Variants in ATAD5 observed in about 807,000 individuals in gnomAD.
The protein encoded by ATAD5 is ATPase family AAA domain containing 5, also known as ATPase family AAA domain-containing protein 5.
Under a neutral mutation model 176.9 loss-of-function variants are expected in ATAD5, and 58 were observed. That is an observed-to-expected ratio of 0.33 (90% confidence interval 0.27 to 0.41). The LOEUF (loss-of-function observed/expected upper bound fraction) is 0.41, where lower values mean the gene tolerates loss of function less well. Among genes scored for constraint, ATAD5 ranks in the 10% least tolerant of loss-of-function variants. ATAD5 has a pLI of 1.00. For synonymous variants in ATAD5, 640 were observed against 712.6 expected (o/e 0.90, Z 1.62); for missense variants, 1,789 against 2,094.1 (o/e 0.85, Z 2.84).
rs969260725 is a variant in ATAD5 at position 30,883,632 on chromosome 17, C to T, written c.4078-3560C>T. On this transcript the variant is annotated intron_variant, in intron 18 of 22. Coordinates refer to ENST00000321990, the MANE Select transcript of ATAD5 (RefSeq NM_024857.5). ...GCAATCACTGGCTCACTGCAAGCTC[C>T]ACCTCCCAGGTTCATGCTATTCTCC... is the stretch of plus-strand genomic sequence containing the variant. 2.6e-5 allele frequency among the ~76,000 whole-genome samples: 4 copies of T among 151,670 alleles called. No individual in the cohort carries two copies. The South Asian group carries it at 8.3e-4, about 32-fold the overall frequency.
Position 30,834,402 on chromosome 17 carries a change from T to C in ATAD5, c.321T>C (p.Asn107=). The change falls in exon 2 of 23, where the codon AAT becomes AAC. Residue 107 remains asparagine (N), a synonymous_variant. Transcript: ENST00000321990. ...DCTTPLEMFS[N]VEFKKKRKRV... ...CGACACCTTTGGAAATGTTCTCAAATGTAGAGTTTAAGAAGAAAAGAAAGA... is the reference window on the plus strand; with the variant it reads ...CGACACCTTTGGAAATGTTCTCAAACGTAGAGTTTAAGAAGAAAAGAAAGA... The C allele has an allele frequency of 6.2e-7, 1 of 1,602,250 alleles. No individual in the cohort carries two copies. The highest frequency in any genetic ancestry group is 8.5e-7 in the Non-Finnish European group (1 of 1,175,640).
At chr17:30,866,891 T>C (rs1251451789) in intron 11 of ATAD5, among the ~76,000 whole-genome samples, 1 of 152,178 alleles carries the variant, frequency 6.6e-6, no homozygotes, top group Non-Finnish European at 1.5e-5. Flanking sequence ...AGGGGTATTA[T>C]GTAATATGCA....
intron 20 of ATAD5, among the ~76,000 whole-genome samples, 196 bp from the exon 21 acceptor site, chr17:30,893,098 C>T (rs1418369988): frequency 6.6e-6 from 1 of 151,978 alleles, no homozygotes; most frequent in African/African-American, 2.4e-5. Context: ...GAATTTAATT[C>T]TCCAAATTAA....
intron 11 of ATAD5, among the ~76,000 whole-genome samples, chr17:30,868,113 C>T (rs1908106866): frequency 1.3e-5 from 2 of 152,164 alleles, no homozygotes; most frequent in Non-Finnish European, 2.9e-5. Flanking sequence ...AACTATTTTA[C>T]TCTTTAGTTG....
chr17:30,895,044 T>TA lies in ATAD5; in HGVS notation c.*132dup, dbSNP rs1909836854. ...TAAACAAACAATTTGTATATTTTTT[T>TA]ATTGGCGGGTAAATATTTAAAATAT... On this transcript the variant is annotated 3_prime_UTR_variant, in exon 23 of 23. Coordinates refer to ENST00000321990, the MANE Select transcript of ATAD5 (RefSeq NM_024857.5). 1.8e-6 allele frequency: 1 copy of TA among 558,220 alleles called. No homozygotes were observed. Among genetic ancestry groups the TA allele is most frequent in the South Asian group, 6.2e-5 (1 of 16,098 alleles). The allele number at this position is 558,220 out of a possible 1,614,324, so 34.6% of individuals were successfully genotyped here. A position where few individuals can be genotyped will look rare whatever the true frequency, so the allele number is the denominator to read the frequency against.
At chr17:30,872,298 A>G (rs1171130133) in intron 14 of ATAD5, among the ~76,000 whole-genome samples, 5 of 152,130 alleles carry the variant, frequency 3.3e-5, no homozygotes, top group African/African-American at 4.8e-5. Flanking sequence ...TCCTTAGGCA[A>G]AACCTTTCTG....
At chr17:30,844,769 A>T in intron 5 of ATAD5, 66 bp from the exon 6 acceptor site, 3 of 1,036,312 alleles carry the variant, frequency 2.9e-6, no homozygotes, top group Non-Finnish European at 4.2e-6. Context: ...AAAAAAAAAA[A>T]AAAGAAAGTA....
At chr17:30,876,702 C>CTTTTTTTTTTTTTT (rs202065630) in intron 15 of ATAD5, 152 bp downstream of exon 15, 3 of 125,968 alleles carry the variant, frequency 2.4e-5, no homozygotes, top group African/African-American at 4.6e-5. Flanking sequence ...ATTTTGTTTC[C>CTTTTTTTTTTTTTT]TTTTTTTTTT....
chr17:30,889,170 T>C (rs111764350), intron 19 of ATAD5, among the ~76,000 whole-genome samples: 10 of 147,816 alleles, frequency 6.8e-5, no homozygotes, highest in African/African-American at 2.2e-4. Context: ...TTCTTTCTTT[T>C]TTTTTTTTTT....
At chr17:30,839,936 C>T (rs1368092357) in intron 3 of ATAD5, among the ~76,000 whole-genome samples, 3 of 151,904 alleles carry the variant, frequency 2.0e-5, no homozygotes, top group Non-Finnish European at 4.4e-5. Context: ...TGGTGGCTCA[C>T]GCCTGTAATC....
intron 6 of ATAD5, among the ~76,000 whole-genome samples, chr17:30,848,054 A>G (rs950562419): frequency 1.3e-5 from 2 of 152,084 alleles, no homozygotes; most frequent in African/African-American, 4.8e-5. Flanking sequence ...ACATGTATGG[A>G]CAAGTGTTCT....
rs190625904 is a variant in ATAD5 at position 30,863,662 on chromosome 17, G to A, written c.3137-2042G>A. Among the ~76,000 whole-genome samples, 724 of 121,136 alleles carry A rather than the reference G, an allele frequency of 6.0e-3. 4 individuals are homozygous for A. The highest frequency in any genetic ancestry group is 0.018 in the African/African-American group (504 of 28,782). 79.5% of individuals were successfully genotyped at this position (121,136 alleles called of 152,430 possible). A position where few individuals can be genotyped will look rare whatever the true frequency, so the allele number is the denominator to read the frequency against. ...ATTACAGGCGTGAGCCACCGCGTCC[G>A]GCTTTTTTTTTTTTTTTTTTGAGAC... is the stretch of plus-strand genomic sequence containing the variant. On this transcript the variant is annotated intron_variant, in intron 10 of 22. Transcript: ENST00000321990.
In ATAD5 at chr17:30,857,095, G is replaced by A. The variant is rs765456043; in HGVS notation, c.2776G>A (p.Gly926Ser). The change falls in exon 8 of 23, where the codon GGT becomes AGT. Residue 926 changes from glycine (G) to serine (S), a missense_variant. Coordinates refer to ENST00000321990, the MANE Select transcript of ATAD5 (RefSeq NM_024857.5). Reference protein sequence around the residue: ...FSTLNSKLKSGNSAAVFMRTR... With the variant: ...FSTLNSKLKSSNSAAVFMRTR... ...AACATTGAATTCAAAGTTGAAAAGC[G>A]GTAACTCTGCTGCTGTGGTAAGTAT... is the stretch of plus-strand genomic sequence containing the variant. The A allele has an allele frequency of 1.1e-5, 17 of 1,610,752 alleles. No individual in the cohort carries two copies. Among genetic ancestry groups the A allele is most frequent in the Admixed American group, 1.0e-4 (6 of 58,822 alleles).
At chr17:30,858,592 GC>G (rs1462751584) in intron 9 of ATAD5, among the ~76,000 whole-genome samples, 1 of 151,860 alleles carries the variant, frequency 6.6e-6, no homozygotes, top group Non-Finnish European at 1.5e-5. Flanking sequence ...CACCATGTTG[GC>G]CAGGCTCGTC....
At chr17:30,869,137 A>AT in intron 12 of ATAD5, 111 bp from the exon 13 acceptor site, 1 of 1,319,302 alleles carries the variant, frequency 7.6e-7, no homozygotes, top group Non-Finnish European at 1.0e-6. Flanking sequence ...GTATAAAGTA[A>AT]TTTTTCAGCA....
intron 10 of ATAD5, chr17:30,861,831 A>C (rs1195073183): frequency 6.6e-6 from 1 of 152,014 alleles, no homozygotes; most frequent in Non-Finnish European, 1.5e-5. Context: ...GCTTTAAAAA[A>C]AATCTGGTAT....
At chr17:30,878,718 G>GGT (rs1908812554) in intron 17 of ATAD5, among the ~76,000 whole-genome samples, 3 of 56,836 alleles carry the variant, frequency 5.3e-5, no homozygotes, top group Non-Finnish European at 9.7e-5. Context: ...GTTAGGTGGT[G>GGT]TTTTTTTTTT....
At chr17:30,892,898 T>C in intron 20 of ATAD5, 110 bp downstream of exon 20, 1 of 972,992 alleles carries the variant, frequency 1.0e-6, no homozygotes, top group Non-Finnish European at 1.5e-6. Context: ...GCCTATAATT[T>C]GTATAAGCCT....
intron 6 of ATAD5, among the ~76,000 whole-genome samples, chr17:30,854,231 A>C (rs1406187836): frequency 6.8e-6 from 1 of 147,206 alleles, no homozygotes; most frequent in East Asian, 1.9e-4. Context: ...TAAATTATAT[A>C]ATTATATTTT....
Sources: gnomAD v4.1 joint callset for allele counts (sites outside exome capture counted in the v4.1 genomes callset) on GRCh38, gnomAD v4.1.1 for gene constraint, MANE v1.5 for transcripts, NCBI Gene and HGNC (gene_info 2026-07-23, HGNC 2026-07-21) for gene names.